PRRC2C: variants seen among roughly 807,000 people sequenced by gnomAD.
PRRC2C encodes protein PRRC2C.
In PRRC2C, 72 loss-of-function variants were observed where a neutral mutation model predicts 317.2. The observed-to-expected ratio is 0.23, with a 90% CI of 0.19 to 0.28. PRRC2C has a LOEUF of 0.28. Among genes scored for constraint, PRRC2C ranks in the 10% least tolerant of loss-of-function variants. The pLI is 1.00. For missense variants in PRRC2C, 3,074 were observed against 3,459.7 expected, an observed-to-expected ratio of 0.89 and a Z score of 2.80; for synonymous variants, 1,296 against 1,205.9, an observed-to-expected ratio of 1.07 and a Z score of -1.55.
chr1:171,568,487 A>T, intron 23 of PRRC2C, 148 bp downstream of exon 23: 1 of 1,302,886 alleles, frequency 7.7e-7, no homozygotes, highest in Non-Finnish European at 1.0e-6. Context: ...GAGTACTGTA[A>T]TATAATTAGC....
chr1:171,528,571 G>A (rs989347525), intron 11 of PRRC2C, among the ~76,000 whole-genome samples: 3 of 152,040 alleles, frequency 2.0e-5, no homozygotes, highest in Admixed American at 6.6e-5. Context: ...GATTACAGGC[G>A]TGAGCCACCG....
At position 171,540,001 on chromosome 1, in the gene PRRC2C, T is replaced by A; in HGVS notation, c.2535T>A (p.Ile845=). The A allele has an allele frequency of 6.2e-7, 1 of 1,613,192 alleles. No homozygotes were observed. Among genetic ancestry groups the A allele is most frequent in the South Asian group, 1.1e-5 (1 of 90,930 alleles). Residue 845 remains isoleucine (I), a synonymous_variant, in exon 16 of 35, where the codon ATT becomes ATA. Coordinates refer to ENST00000647382, the MANE Select transcript of PRRC2C (RefSeq NM_001387844.1). ...RSEAALDQEQ[I]TAAYSVEHNQ... ...AAGCTGCGTTGGACCAGGAACAGAT[T>A]ACTGCTGCTTATTCTGTAGAACATA...
At chr1:171,515,314 AAATT>A (rs1473232572) in intron 4 of PRRC2C, among the ~76,000 whole-genome samples, 1 of 152,230 alleles carries the variant, frequency 6.6e-6, no homozygotes, top group African/African-American at 2.4e-5. Context: ...ATGAAGCAAT[AAATT>A]AAATAAAGGC....
At chr1:171,591,067 C>A in intron 34 of PRRC2C, 1 of 580,854 alleles carries the variant, frequency 1.7e-6, no homozygotes, top group Non-Finnish European at 2.2e-6. Flanking sequence ...AAATTATTTA[C>A]CAGCTCAGAA....
chr1:171,588,563 A>G, intron 33 of PRRC2C, 58 bp downstream of exon 33: 2 of 1,530,334 alleles, frequency 1.3e-6, no homozygotes, highest in Middle Eastern at 1.7e-4. Context: ...TGCTAATCTG[A>G]TAAATTATTA....
Position 171,499,569 on chromosome 1 carries a change from C to T in PRRC2C, c.-57-12463C>T, listed in dbSNP as rs149575869. 6.4e-3 allele frequency among the ~76,000 whole-genome samples: 969 copies of T among 152,156 alleles called. 10 individuals carry two copies. The highest frequency in any genetic ancestry group is 0.018 in the African/African-American group (751 of 41,504). On this transcript the variant is annotated intron_variant, in intron 1 of 34. Transcript: ENST00000647382. ...ACTTTGGGATTACTACTCAGGAGGC[C>T]GAGGCAGGTGGATCACTTGAGGTCG...
At position 171,591,816 on chromosome 1, in the gene PRRC2C, A is replaced by T. The variant is rs376063717; in HGVS notation, c.8666A>T (p.Gln2889Leu). The T allele has an allele frequency of 6.0e-5, 95 of 1,579,266 alleles. No homozygotes were observed. The highest frequency in any genetic ancestry group is 8.1e-5 in the Non-Finnish European group (94 of 1,159,328). Residue 2889 changes from glutamine (Q) to leucine (L), a missense_variant, in exon 35 of 35, where the codon CAG (glutamine) becomes CTG (leucine). Transcript: ENST00000647382. ...GTTAGAACTGGACCAATCAAACCTC[A>T]GGCGATCAAAACCGAAGAAACAAAA... is the stretch of plus-strand genomic sequence containing the variant. ...KPVRTGPIKP[Q>L]AIKTEETKS
rs530545822 is a variant in PRRC2C, at chr1:171,579,758, A to G, written c.7273-70A>G. On this transcript the variant is annotated intron_variant, in intron 27 of 34. Transcript: ENST00000647382. The stretch of plus-strand genomic sequence containing the variant: ...CTCTTTTCATGTCTCAAATTTTTAT[A>G]TTCCAGTGTTAATGATTTATCTGTA... The G allele has an allele frequency of 4.1e-6, 6 of 1,447,764 alleles. No homozygotes were observed. The East Asian group carries it at 1.4e-4, about 34-fold the overall frequency. 89.7% of individuals were successfully genotyped at this position (1,447,764 alleles called of 1,614,324 possible).
At chr1:171,566,930 T>C (rs1683767032) in intron 22 of PRRC2C, 87 bp downstream of exon 22, 2 of 1,421,920 alleles carry the variant, frequency 1.4e-6, no homozygotes, top group Admixed American at 2.7e-5. Context: ...TGCTTTTTTT[T>C]TTCCTGCTGA....
Position 171,588,460 on chromosome 1 carries a change from C to A in PRRC2C, c.8154C>A (p.Ala2718=), listed in dbSNP as rs200784641. 2 of 1,613,684 alleles carry A rather than the reference C, an allele frequency of 1.2e-6. No individual in the cohort carries two copies. The highest frequency in any genetic ancestry group is 1.7e-6 in the Non-Finnish European group (2 of 1,179,748). ...VYQKQFQSAP[A]TVRMTQPFPT... ...AGAAGCAGTTCCAGTCAGCCCCTGC[C>A]ACTGTGAGAATGACACAACCATTTC... The change falls in exon 33 of 35, where the codon GCC becomes GCA. Residue 2718 remains alanine, a synonymous_variant. Transcript: ENST00000647382.
chr1:171,550,326 T>C, intron 18 of PRRC2C, 86 bp downstream of exon 18: 2 of 1,222,040 alleles, frequency 1.6e-6, no homozygotes, highest in South Asian at 4.1e-5. Context: ...TTTATACTTG[T>C]CAAGGCTGTT....
At chr1:171,544,007 A>G (rs1352794866) in intron 16 of PRRC2C, among the ~76,000 whole-genome samples, 3 of 152,180 alleles carry the variant, frequency 2.0e-5, no homozygotes, top group East Asian at 1.9e-4. Context: ...GGATCAATCA[A>G]TCCATTCAGA....
At chr1:171,548,878 C>T (rs1679662549) in intron 17 of PRRC2C, among the ~76,000 whole-genome samples, 1 of 152,154 alleles carries the variant, frequency 6.6e-6, no homozygotes, top group Non-Finnish European at 1.5e-5. Context: ...TTTATTGAGA[C>T]AGGGTCTTGC....
At chr1:171,508,160 C>CT (rs1670607833) in intron 1 of PRRC2C, among the ~76,000 whole-genome samples, 1 of 152,108 alleles carries the variant, frequency 6.6e-6, no homozygotes, top group African/African-American at 2.4e-5. Context: ...ATTGTTGTTG[C>CT]TAGTCCTTCC....
At chr1:171,549,253 T>G (rs1679728896) in intron 17 of PRRC2C, among the ~76,000 whole-genome samples, 1 of 152,144 alleles carries the variant, frequency 6.6e-6, no homozygotes, top group African/African-American at 2.4e-5. Context: ...CCCAGGCTGG[T>G]GTGAAACTGT....
intron 18 of PRRC2C, among the ~76,000 whole-genome samples, chr1:171,552,727 G>T (rs745762227): frequency 8.0e-4 from 121 of 152,016 alleles, no homozygotes; most frequent in Non-Finnish European, 9.7e-4. Flanking sequence ...TAATCATGTG[G>T]TTTTTGTCTT....
Position 171,591,804 on chromosome 1 carries a change from C to G in PRRC2C, c.8654C>G (p.Pro2885Arg). The G allele has an allele frequency of 6.2e-7, 1 of 1,601,050 alleles. No homozygotes were observed. The highest frequency in any genetic ancestry group is 1.1e-5 in the South Asian group (1 of 90,826). Residue 2885 changes from proline to arginine, a missense_variant, in exon 35 of 35, where the codon CCA becomes CGA. Transcript: ENST00000647382. ...GCCACCAAACCTGTTAGAACTGGAC[C>G]AATCAAACCTCAGGCGATCAAAACC... ...SIATKPVRTG[P>R]IKPQAIKTEE...
Position 171,591,966 on chromosome 1 carries a change from G to A in PRRC2C, c.*119G>A. On this transcript the variant is annotated 3_prime_UTR_variant, in exon 35 of 35. Transcript: ENST00000647382. Reference sequence around the variant, plus strand: ...TGTGACATTATCCTGTTCAGAGCTTGGAGATGTACAAGGGACATAGGAGCA... The same window carrying A: ...TGTGACATTATCCTGTTCAGAGCTTAGAGATGTACAAGGGACATAGGAGCA... 7.4e-7 allele frequency: 1 copy of A among 1,348,160 alleles called. No homozygotes were observed. Among genetic ancestry groups the A allele is most frequent in the Admixed American group, 2.2e-5 (1 of 44,464 alleles). 83.5% of individuals were successfully genotyped at this position (1,348,160 alleles called of 1,614,324 possible).
At chr1:171,588,571 T>C in intron 33 of PRRC2C, 66 bp downstream of exon 33, 6 of 1,495,896 alleles carry the variant, frequency 4.0e-6, no homozygotes, top group Non-Finnish European at 5.5e-6. Flanking sequence ...TGATAAATTA[T>C]TATCTTGCCT....
Sources: gnomAD v4.1 joint callset for allele counts (sites outside exome capture counted in the v4.1 genomes callset) on GRCh38, gnomAD v4.1.1 for gene constraint, MANE v1.5 for transcripts, NCBI Gene and HGNC (gene_info 2026-07-23, HGNC 2026-07-21) for gene names.